Variants in CIITA observed in about 807,000 individuals in gnomAD.
The protein encoded by CIITA is MHC class II transactivator.
Under a neutral mutation model 115.1 loss-of-function variants are expected in CIITA, and 72 were observed. The observed-to-expected ratio is 0.63, with a 90% CI of 0.52 to 0.76. The LOEUF is 0.76. Ranked by LOEUF, CIITA falls within the 30% of genes least tolerant of loss-of-function variation. The pLI is 0.00. For synonymous variants in CIITA, 763 were observed against 635.6 expected, an observed-to-expected ratio of 1.20 and a Z score of -3.02; for missense variants, 1,617 against 1,463.8, an observed-to-expected ratio of 1.10 and a Z score of -1.71.
At chr16:10,868,543 G>A (rs536821482) in intron 1 of CIITA, among the ~76,000 whole-genome samples, 3 of 152,312 alleles carry the variant, frequency 2.0e-5, no homozygotes, top group East Asian at 1.9e-4. Flanking sequence ...CCTAGGCAAA[G>A]GGGCATCTTT....
intron 1 of CIITA, among the ~76,000 whole-genome samples, chr16:10,891,240 G>C (rs996073368): frequency 6.6e-6 from 1 of 151,864 alleles, no homozygotes; most frequent in Non-Finnish European, 1.5e-5. Flanking sequence ...CATTTTGACT[G>C]GGGGGAAAGA....
In CIITA at chr16:10,920,894, C is replaced by T. The variant is rs959127935; in HGVS notation, c.3150-1273C>T. Among the ~76,000 whole-genome samples, 4 of 150,934 alleles carry T rather than the reference C, an allele frequency of 2.7e-5. No homozygotes were observed. The highest frequency in any genetic ancestry group is 2.1e-4 in the South Asian group (1 of 4,778). On this transcript the variant is annotated intron_variant, in intron 16 of 19. Coordinates refer to ENST00000324288, the MANE Select transcript of CIITA (RefSeq NM_000246.4). This position sits in a 1 kb window ranked among gnomAD's most constrained non-coding sequence, Gnocchi z 4.5. ...TTTATTTATTTTTTTCTTTTTTTTT[C>T]GAGACAGAGTTTCGCTCTTGTTGCC...
downstream of CIITA, chr16:10,941,025 AG>A (rs774166604): frequency 6.6e-6 from 1 of 152,246 alleles, no homozygotes; most frequent in Non-Finnish European, 1.5e-5. The surrounding 1 kb of genome is among the most constrained non-coding windows in gnomAD (Gnocchi z 6.4). Context: ...CAAGGCCAAA[AG>A]GAAGTACGGG....
chr16:10,934,791 C>T lies in CIITA; in HGVS notation c.*10936C>T, dbSNP rs1290337457. 1 of 152,204 alleles carries T rather than the reference C, an allele frequency of 6.6e-6. No individual in the cohort carries two copies. The highest frequency in any genetic ancestry group is 1.5e-5 in the Non-Finnish European group (1 of 68,040). The allele number at this position is 152,204 out of a possible 1,614,324, so 9.4% of individuals were successfully genotyped here. On this transcript the variant is annotated 3_prime_UTR_variant, in exon 20 of 20. Transcript: ENST00000324288. This position sits in a 1 kb window ranked among gnomAD's most constrained non-coding sequence, Gnocchi z 4.2. ...AAGCCTTACCCTTGAGGGAGTTCCC[C>T]GCCACTCCAAGCTTGGGGCCTGGGA... is the stretch of plus-strand genomic sequence containing the variant.
chr16:10,878,822 C>G (rs552559813), intron 1 of CIITA: 1 of 230,866 alleles, frequency 4.3e-6, no homozygotes, highest in South Asian at 1.8e-4. Context: ...AGTTGGGATG[C>G]CACTTCTGAT....
At chr16:10,910,025 G>A (rs1008977879) in intron 12 of CIITA, among the ~76,000 whole-genome samples, 163 bp from the exon 13 acceptor site, 8 of 146,122 alleles carry the variant, frequency 5.5e-5, no homozygotes, top group East Asian at 2.0e-4. Flanking sequence ...ACGAGGCACC[G>A]CACCCAGACA....
chr16:10,907,884 C>A lies in CIITA; in HGVS notation c.2392C>A (p.Pro798Thr). ...TGCGAGGTACCTGAAGCGGCTGCAG[C>A]CGGGGACACTGCGGGCGCGGCAGCT... is the stretch of plus-strand genomic sequence containing the variant. Reference protein sequence around the residue: ...VLARYLKRLQPGTLRARQLLE... With the variant: ...VLARYLKRLQTGTLRARQLLE... Residue 798 changes from proline (P) to threonine (T), a missense_variant, in exon 11 of 20, where the codon CCG (proline) becomes ACG (threonine). By Grantham distance (38) the Pro-to-Thr change is conservative (BLOSUM62 -1). Transcript: ENST00000324288. The surrounding 1 kb of genome is among the most constrained non-coding windows in gnomAD (Gnocchi z 5.0). 1 of 1,601,556 alleles carries A rather than the reference C, an allele frequency of 6.2e-7. No homozygotes were observed. Among genetic ancestry groups the A allele is most frequent in the South Asian group, 1.1e-5 (1 of 89,348 alleles).
In CIITA at chr16:10,893,716, G is replaced by A. The variant is rs565232664; in HGVS notation, c.53-1566G>A. 2.5e-3 allele frequency among the ~76,000 whole-genome samples: 367 copies of A among 146,164 alleles called. 2 individuals are homozygous for A. Among genetic ancestry groups the A allele is most frequent in the African/African-American group, 8.8e-3 (341 of 38,618 alleles). Reference sequence around the variant, plus strand: ...CCCAGCTGCTCAGGAGGCTGAGGCAGAAGAATGGCTTGAACCTGGGAGGCA... The same window carrying A: ...CCCAGCTGCTCAGGAGGCTGAGGCAAAAGAATGGCTTGAACCTGGGAGGCA... On this transcript the variant is annotated intron_variant, in intron 1 of 19. Transcript: ENST00000324288.
chr16:10,901,509 T>C lies in CIITA; in HGVS notation c.437-5T>C, dbSNP rs1278823211. ...GGGGCAGCTGATCACATGTTTTCTC[T>C]GCAGCCTTCCCAGAGGAGCTTCCGG... is the stretch of plus-strand genomic sequence containing the variant. On this transcript the variant is annotated splice_polypyrimidine_tract_variant and splice_region_variant and intron_variant, in intron 5 of 19. Coordinates refer to ENST00000324288, the MANE Select transcript of CIITA (RefSeq NM_000246.4). This position sits in a 1 kb window ranked among gnomAD's most constrained non-coding sequence, Gnocchi z 6.8. 6.2e-7 allele frequency: 1 copy of C among 1,614,046 alleles called. No individual in the cohort carries two copies. The highest frequency in any genetic ancestry group is 1.3e-5 in the African/African-American group (1 of 75,026).
At chr16:10,937,163 C>T (rs925994420), downstream of CIITA, 2 of 152,318 alleles carry the variant, frequency 1.3e-5, no homozygotes, top group African/African-American at 2.4e-5. The surrounding 1 kb of genome is among the most constrained non-coding windows in gnomAD (Gnocchi z 4.2). Context: ...GGCCAAGGAC[C>T]TTCTGGGTGA....
At chr16:10,903,988 C>T in intron 9 of CIITA, 93 bp downstream of exon 9, 2 of 1,537,084 alleles carry the variant, frequency 1.3e-6, no homozygotes, top group Middle Eastern at 1.7e-4. Flanking sequence ...AGCAAAGCTG[C>T]CTGTAGGGAC....
chr16:10,936,385 TA>T lies in CIITA; in HGVS notation c.*12531del, dbSNP rs892750528. ...CTAAGGAAATAAATACTGAATTATTTAGGAGTAAAGGTGCATAATGAACCCA... is the reference window on the plus strand; with the variant it reads ...CTAAGGAAATAAATACTGAATTATTTGGAGTAAAGGTGCATAATGAACCCA... On this transcript the variant is annotated 3_prime_UTR_variant, in exon 20 of 20. Coordinates refer to ENST00000324288, the MANE Select transcript of CIITA (RefSeq NM_000246.4). 6.6e-6 allele frequency: 1 copy of T among 152,188 alleles called. No homozygotes were observed. The highest frequency in any genetic ancestry group is 1.5e-5 in the Non-Finnish European group (1 of 68,044). The allele number at this position is 152,188 out of a possible 1,614,324, so 9.4% of individuals were successfully genotyped here.
At chr16:10,894,027 A>T (rs1024344161) in intron 1 of CIITA, among the ~76,000 whole-genome samples, 2 of 151,984 alleles carry the variant, frequency 1.3e-5, no homozygotes, top group Non-Finnish European at 2.9e-5. Context: ...TCTTAAAAAA[A>T]AATTAATAGA....
rs1379330147 is a variant in CIITA, at chr16:10,909,186, AG to A, written c.2816+1del. 3 of 1,614,146 alleles carry A rather than the reference AG, an allele frequency of 1.9e-6. No individual in the cohort carries two copies. The highest frequency in any genetic ancestry group is 2.5e-6 in the Non-Finnish European group (3 of 1,180,026). ...EDLGKLVQTQ[R>X]TRSSSEDTAG... ...CCTGGGAAAGCTTGTGCAGACTCAG[AG>A]GTGAGAGGAGAGGCGGATGGGAGGT... On this transcript the variant is annotated frameshift_variant and splice_region_variant, in exon 12 of 20. Coordinates refer to ENST00000324288, the MANE Select transcript of CIITA (RefSeq NM_000246.4). LOFTEE classifies it high-confidence loss of function.
At position 10,902,726 on chromosome 16, in the gene CIITA, A is replaced by G. The variant is rs2038870885; in HGVS notation, c.697A>G (p.Ile233Val). 6.2e-7 allele frequency: 1 copy of G among 1,614,120 alleles called. No individual in the cohort carries two copies. The highest frequency in any genetic ancestry group is 8.5e-7 in the Non-Finnish European group (1 of 1,180,004). Residue 233 changes from isoleucine to valine, a missense_variant, in exon 8 of 20, where the codon ATC becomes GTC. By Grantham distance (29) the Ile-to-Val change is conservative (BLOSUM62 3). Transcript: ENST00000324288. Reference sequence around the variant, plus strand: ...GGGACCCATCCAGTTTGTCCCCACCATCTCCACTCTGCCCCATGGGCTCTG... The same window carrying G: ...GGGACCCATCCAGTTTGTCCCCACCGTCTCCACTCTGCCCCATGGGCTCTG... ...PEGPIQFVPTISTLPHGLWQI... is the reference protein window; with the variant it reads ...PEGPIQFVPTVSTLPHGLWQI...
chr16:10,879,444 C>T lies in CIITA; in HGVS notation c.52+2062C>T, dbSNP rs1045833420. On this transcript the variant is annotated intron_variant, in intron 1 of 19. Transcript: ENST00000324288. This position sits in a 1 kb window ranked among gnomAD's most constrained non-coding sequence, Gnocchi z 4.3. ...TGTACGCCAGACTTTGGACCAGGGC[C>T]GCCGTTCCCTGAGCTTCACTTTCCC... Among the ~76,000 whole-genome samples, 8 of 152,302 alleles carry T rather than the reference C, an allele frequency of 5.3e-5. No homozygotes were observed. Among genetic ancestry groups the T allele is most frequent in the African/African-American group, 1.9e-4 (8 of 41,562 alleles).
intron 3 of CIITA, among the ~76,000 whole-genome samples, chr16:10,896,883 G>A (rs534536732): frequency 4.6e-5 from 7 of 152,350 alleles, no homozygotes; most frequent in Middle Eastern, 3.4e-3. Context: ...AATTGTTCAT[G>A]TTTCAGAAAT....
At chr16:10,884,462 T>A (rs868344484) in intron 1 of CIITA, among the ~76,000 whole-genome samples, 3 of 152,234 alleles carry the variant, frequency 2.0e-5, no homozygotes, top group Non-Finnish European at 2.9e-5. Context: ...TTGCCCAGGT[T>A]GGAGTGCAGT....
intron 10 of CIITA, among the ~76,000 whole-genome samples, 158 bp from the exon 11 acceptor site, chr16:10,906,341 A>G (rs1404963299): frequency 6.6e-6 from 1 of 152,206 alleles, no homozygotes. Flanking sequence ...GCCTGGGCAA[A>G]AAAGCCAGAC....
Sources: allele counts gnomAD v4.1 joint callset (sites outside exome capture counted in the v4.1 genomes callset), GRCh38; gene constraint gnomAD v4.1.1; non-coding constraint Gnocchi (gnomAD v3.1); transcripts MANE v1.5; gene names NCBI Gene and HGNC (gene_info 2026-07-23, HGNC 2026-07-21).